Variants in SLC30A7 observed in about 807,000 individuals in gnomAD.
The protein encoded by SLC30A7 is solute carrier family 30 member 7, also known as zinc transporter 7.
Under a neutral mutation model 46.0 loss-of-function variants are expected in SLC30A7, and 35 were observed. The ratio of observed to expected loss-of-function variants is 0.76; its 90% CI spans 0.58 to 1.01. SLC30A7 has a LOEUF of 1.01. Ranked by LOEUF, SLC30A7 falls within the 50% of genes least tolerant of loss-of-function variation. SLC30A7 has a pLI of 0.00. For synonymous variants in SLC30A7, 147 were observed against 157.8 expected (o/e 0.93, Z 0.51); for missense variants, 464 against 451.1 (o/e 1.03, Z -0.26).
rs140290727 is a variant in SLC30A7, at chr1:100,926,908, G to A, written c.842+5067G>A. Among the ~76,000 whole-genome samples the A allele has an allele frequency of 8.5e-5, 13 of 152,324 alleles. No homozygotes were observed. The East Asian group carries it at 2.5e-3, about 29-fold the overall frequency. ...ATGCTATTTTAGAAGGGCTTGGAAA[G>A]TCTTCTGCATAGGGTAATATTGGAG... On this transcript the variant is annotated intron_variant, in intron 8 of 10. Transcript: ENST00000357650.
At chr1:100,983,269 C>T (rs1657053626), downstream of SLC30A7, among the ~76,000 whole-genome samples, 1 of 150,826 alleles carries the variant, frequency 6.6e-6, no homozygotes, top group South Asian at 2.1e-4. Flanking sequence ...GACAGAATGA[C>T]AGCAATTTAC....
rs1468448813 is a variant in SLC30A7, at chr1:100,917,427, A to C, written c.656-650A>C. Among the ~76,000 whole-genome samples, 9 of 152,166 alleles carry C rather than the reference A, an allele frequency of 5.9e-5. 1 individual carries two copies. Among genetic ancestry groups the C allele is most frequent in the Admixed American group, 2.6e-4 (4 of 15,288 alleles). On this transcript the variant is annotated intron_variant, in intron 6 of 10. Transcript: ENST00000357650. ...ATGAACAAATGATGATAGTAGGTAC[A>C]TTGTTAGTTGTGATCAGAAAGCTTG...
chr1:100,921,950 C>CTTTTTT (rs11166531), intron 8 of SLC30A7, 109 bp downstream of exon 8: 12 of 398,598 alleles, frequency 3.0e-5, no homozygotes, highest in African/African-American at 1.2e-4. Flanking sequence ...CCTTTGCTTG[C>CTTTTTT]TTTTTTTTTT....
intron 6 of SLC30A7, among the ~76,000 whole-genome samples, chr1:100,917,503 G>A (rs1401471408): frequency 6.6e-6 from 1 of 152,018 alleles, no homozygotes; most frequent in Non-Finnish European, 1.5e-5. Flanking sequence ...CTTTTGCCTT[G>A]TTTTCCTATA....
chr1:100,965,865 C>A lies in SLC30A7; in HGVS notation c.1030C>A (p.Pro344Thr). Residue 344 changes from proline (P) to threonine (T), a missense_variant, in exon 10 of 11, where the codon CCT becomes ACT. Coordinates refer to ENST00000357650, the MANE Select transcript of SLC30A7 (RefSeq NM_133496.5). Reference protein sequence around the residue: ...YVGTLKLIVAPDADARWILSQ... With the variant: ...YVGTLKLIVATDADARWILSQ... ...TGGGACCTTGAAATTAATAGTAGCA[C>A]CTGATGCTGATGCTAGGTGGATTTT... 1 of 1,613,774 alleles carries A rather than the reference C, an allele frequency of 6.2e-7. No homozygotes were observed. The highest frequency in any genetic ancestry group is 8.5e-7 in the Non-Finnish European group (1 of 1,179,754).
At chr1:100,897,324 G>A (rs532032412) in intron 2 of SLC30A7, among the ~76,000 whole-genome samples, 62 of 152,218 alleles carry the variant, frequency 4.1e-4, no homozygotes, top group Non-Finnish European at 7.6e-4. Context: ...AATCTAGTGT[G>A]TAACTCTGTG....
chr1:100,913,395 CT>C (rs1349328541), intron 5 of SLC30A7, among the ~76,000 whole-genome samples: 2 of 152,100 alleles, frequency 1.3e-5, no homozygotes, highest in Admixed American at 6.6e-5. Flanking sequence ...ATTATCTGAC[CT>C]CTTTGGAGAT....
intron 8 of SLC30A7, among the ~76,000 whole-genome samples, chr1:100,938,308 T>A (rs1654102940): frequency 6.6e-6 from 1 of 152,242 alleles, no homozygotes; most frequent in Non-Finnish European, 1.5e-5. Flanking sequence ...ACCTTTTGAA[T>A]ACCTCTTATA....
rs1553236582 is a variant in SLC30A7 at position 100,915,193 on chromosome 1, T to TTTTCTTTTCTTTC, written c.655+1394_655+1395insTCTTTCTTTCTTT. Among the ~76,000 whole-genome samples, 512 of 90,844 alleles carry TTTTCTTTTCTTTC rather than the reference T, an allele frequency of 5.6e-3. 6 individuals carry two copies. The highest frequency in any genetic ancestry group is 0.042 in the East Asian group (136 of 3,266). 59.6% of individuals were successfully genotyped at this position (90,844 alleles called of 152,430 possible). A position where few individuals can be genotyped will look rare whatever the true frequency, so the allele number is the denominator to read the frequency against. On this transcript the variant is annotated intron_variant, in intron 6 of 10. Coordinates refer to ENST00000357650, the MANE Select transcript of SLC30A7 (RefSeq NM_133496.5). ...TTTCTTTTTTCTTTTCTTTTCTTTCTTTTCTTTCTTTCTTTCTTTCTTTCT... is the reference window on the plus strand; with the variant it reads ...TTTCTTTTTTCTTTTCTTTTCTTTCTTTTCTTTTCTTTCTTTCTTTCTTTCTTTCTTTCTTTCT...
chr1:100,925,492 A>AG (rs1230171684), intron 8 of SLC30A7, among the ~76,000 whole-genome samples: 23 of 152,362 alleles, frequency 1.5e-4, no homozygotes, highest in Middle Eastern at 3.4e-3. Context: ...GTGAGAGGCC[A>AG]TGGTGGCTTG....
chr1:100,943,070 A>G (rs1419365979), intron 8 of SLC30A7, among the ~76,000 whole-genome samples: 1 of 152,182 alleles, frequency 6.6e-6, no homozygotes, highest in African/African-American at 2.4e-5. Context: ...TCACACAATC[A>G]GTTCTCCAGC....
chr1:100,989,519 C>A, the SLC30A7 span: 5 of 152,200 alleles, frequency 3.3e-5, no homozygotes, highest in Admixed American at 1.3e-4. Context: ...GAAATGTAAT[C>A]TTTCTACCTT....
At chr1:100,965,695 T>C (rs1655818924) in intron 9 of SLC30A7, 74 bp from the exon 10 acceptor site, 4 of 1,189,882 alleles carry the variant, frequency 3.4e-6, no homozygotes, top group South Asian at 2.5e-5. Context: ...TTTACTGATA[T>C]GTTGCATAAT....
chr1:100,913,646 A>G lies in SLC30A7; in HGVS notation c.512-17A>G, dbSNP rs1361860108. 4 of 1,598,428 alleles carry G rather than the reference A, an allele frequency of 2.5e-6. No individual in the cohort carries two copies. In the Admixed American group the frequency reaches 6.7e-5, roughly 27 times the overall value. Reference sequence around the variant, plus strand: ...TATATTTTTACATACCTTCTGTCCTAACACTTTGTTTTCTAGGCCACGGAC... The same window carrying G: ...TATATTTTTACATACCTTCTGTCCTGACACTTTGTTTTCTAGGCCACGGAC... On this transcript the variant is annotated splice_polypyrimidine_tract_variant and intron_variant, in intron 5 of 10. Coordinates refer to ENST00000357650, the MANE Select transcript of SLC30A7 (RefSeq NM_133496.5).
intron 2 of SLC30A7, among the ~76,000 whole-genome samples, chr1:100,904,535 T>C (rs1406012361): frequency 3.3e-5 from 5 of 149,302 alleles, no homozygotes; most frequent in Admixed American, 6.7e-5. Context: ...AGTGACTTCT[T>C]TTTTTTTTTG....
chr1:100,923,046 C>T (rs1441476546), intron 8 of SLC30A7, among the ~76,000 whole-genome samples: 1 of 71,662 alleles, frequency 1.4e-5, no homozygotes, highest in Non-Finnish European at 2.5e-5. Context: ...GAGACGGAGT[C>T]TCGCTGTCGC....
At chr1:100,946,293 G>C (rs1557998373) in intron 8 of SLC30A7, among the ~76,000 whole-genome samples, 1 of 152,166 alleles carries the variant, frequency 6.6e-6, no homozygotes, top group African/African-American at 2.4e-5. Context: ...TCTCTTGCCT[G>C]ATTGCCCTGG....
At chr1:100,961,147 G>A (rs1473052324) in intron 8 of SLC30A7, among the ~76,000 whole-genome samples, 2 of 151,422 alleles carry the variant, frequency 1.3e-5, no homozygotes, top group East Asian at 1.9e-4. Flanking sequence ...ATTTTTAGTG[G>A]AGACGGGGTT....
chr1:100,917,190 A>G (rs1427447944), intron 6 of SLC30A7, among the ~76,000 whole-genome samples: 1 of 152,204 alleles, frequency 6.6e-6, no homozygotes, highest in African/African-American at 2.4e-5. Flanking sequence ...TAATGTTGAA[A>G]AACTGCATAT....
Sources: gnomAD v4.1 joint callset for allele counts (sites outside exome capture counted in the v4.1 genomes callset) on GRCh38, gnomAD v4.1.1 for gene constraint, MANE v1.5 for transcripts, NCBI Gene and HGNC (gene_info 2026-07-23, HGNC 2026-07-21) for gene names.